CNPY1: variants seen among roughly 807,000 people sequenced by gnomAD.
CNPY1 encodes canopy FGF signaling regulator 1.
A neutral mutation model predicts 14.4 loss-of-function variants in CNPY1; 14 were observed. The ratio of observed to expected loss-of-function variants is 0.97; its 90% CI spans 0.64 to 1.52. CNPY1 has a LOEUF of 1.52. Among genes scored for constraint, CNPY1 ranks in the 40% most tolerant of loss-of-function variants. CNPY1 has a pLI of 0.00. For synonymous variants in CNPY1, 43 were observed against 46.5 expected (o/e 0.92, Z 0.31); for missense variants, 129 against 131.5 (o/e 0.98, Z 0.09).
intron 4 of CNPY1, among the ~76,000 whole-genome samples, chr7:155,504,864 T>C (rs1414119562): frequency 6.6e-6 from 1 of 152,200 alleles, no homozygotes; most frequent in Non-Finnish European, 1.5e-5. Context: ...TGGCTGTCCT[T>C]GTATGTTAGA....
At chr7:155,541,829 A>G (rs894423988) in intron 2 of CNPY1, among the ~76,000 whole-genome samples, 12 of 152,100 alleles carry the variant, frequency 7.9e-5, no homozygotes, top group African/African-American at 2.9e-4. Context: ...CCATCACTCA[A>G]AGGTGGGTAA....
At chr7:155,525,242 G>T (rs182400898) in intron 2 of CNPY1, among the ~76,000 whole-genome samples, 1 of 152,216 alleles carries the variant, frequency 6.6e-6, no homozygotes, top group Non-Finnish European at 1.5e-5. Flanking sequence ...GTGCAGTGGT[G>T]CAATCTCGGC....
At chr7:155,532,076 A>C (rs1290272356) in intron 2 of CNPY1, among the ~76,000 whole-genome samples, 1 of 152,266 alleles carries the variant, frequency 6.6e-6, no homozygotes, top group Non-Finnish European at 1.5e-5. Context: ...CTAATACATA[A>C]GATTTTGCAG....
intron 2 of CNPY1, among the ~76,000 whole-genome samples, chr7:155,513,892 G>A (rs73732793): frequency 1.5e-3 from 233 of 152,292 alleles, no homozygotes; most frequent in African/African-American, 5.3e-3. Context: ...CTGCCAGTTT[G>A]AAAAATAAAC....
intron 2 of CNPY1, among the ~76,000 whole-genome samples, chr7:155,527,030 T>TTCTTCTTTCTTTCTTTCTTTCTTTC (rs1554449561): frequency 2.4e-5 from 2 of 83,272 alleles, no homozygotes; most frequent in East Asian, 7.5e-4. Context: ...TTCTTTTCTT[T>TTCTTCTTTCTTTCTTTCTTTCTTTC]TTTCTTTCTT....
chr7:155,520,947 C>G (rs1354598252), intron 2 of CNPY1, among the ~76,000 whole-genome samples: 1 of 151,436 alleles, frequency 6.6e-6, no homozygotes, highest in African/African-American at 2.4e-5. Flanking sequence ...GCCAAGATGG[C>G]AAAATCCCAT....
chr7:155,513,039 A>G (rs1473111622), intron 2 of CNPY1, among the ~76,000 whole-genome samples: 2 of 152,264 alleles, frequency 1.3e-5, no homozygotes, highest in African/African-American at 4.8e-5. Flanking sequence ...GCTCTAGGCT[A>G]CAACAGGGGA....
At chr7:155,523,280 C>T (rs1240684336) in intron 2 of CNPY1, among the ~76,000 whole-genome samples, 3 of 152,190 alleles carry the variant, frequency 2.0e-5, no homozygotes, top group Admixed American at 2.0e-4. Flanking sequence ...TGAGAACAGT[C>T]TCATGTACCG....
At chr7:155,527,434 CTTT>C (rs11364914) in intron 2 of CNPY1, among the ~76,000 whole-genome samples, 23 of 56,888 alleles carry the variant, frequency 4.0e-4, no homozygotes, top group African/African-American at 1.2e-3. Flanking sequence ...TAATTAATTT[CTTT>C]TTTTTTTTTT....
At chr7:155,539,301 ACTT>A (rs1165765469) in intron 2 of CNPY1, among the ~76,000 whole-genome samples, 21 of 152,210 alleles carry the variant, frequency 1.4e-4, no homozygotes, top group Non-Finnish European at 3.1e-4. Context: ...GACATGACCC[ACTT>A]CTTACACCAA....
At chr7:155,525,243 C>T (rs1796799093) in intron 2 of CNPY1, among the ~76,000 whole-genome samples, 1 of 152,086 alleles carries the variant, frequency 6.6e-6, no homozygotes, top group Non-Finnish European at 1.5e-5. Context: ...TGCAGTGGTG[C>T]AATCTCGGCT....
rs1387479925 is a variant in CNPY1 at position 155,536,600 on chromosome 7, G to A, written c.99+9231C>T. Among the ~76,000 whole-genome samples the A allele has an allele frequency of 6.6e-6, 1 of 152,162 alleles. No homozygotes were observed. Among genetic ancestry groups the A allele is most frequent in the Non-Finnish European group, 1.5e-5 (1 of 68,026 alleles). On this transcript the variant is annotated intron_variant, in intron 2 of 4. Transcript: ENST00000636446. This position sits in a 1 kb window ranked among gnomAD's most constrained non-coding sequence, Gnocchi z 4.1. ...GCAGAAGCAAGGCCCCTCCCTGTTAGCCCTGCCTGTAAACATTTCCCACAG... is the reference window on the plus strand; with the variant it reads ...GCAGAAGCAAGGCCCCTCCCTGTTAACCCTGCCTGTAAACATTTCCCACAG...
At chr7:155,534,289 ACACACT>A (rs1185379446) in intron 2 of CNPY1, among the ~76,000 whole-genome samples, 1 of 152,140 alleles carries the variant, frequency 6.6e-6, no homozygotes, top group African/African-American at 2.4e-5. Flanking sequence ...GCTCACACAC[ACACACT>A]CACACGTGCA....
chr7:155,533,545 G>C (rs1032344433), intron 2 of CNPY1, among the ~76,000 whole-genome samples: 1 of 152,212 alleles, frequency 6.6e-6, no homozygotes. Flanking sequence ...CCCAGCGCGC[G>C]GGAAGCCCCG....
chr7:155,519,566 A>T (rs187079151), intron 2 of CNPY1, among the ~76,000 whole-genome samples: 4,280 of 132,520 alleles, frequency 0.032, 104 homozygotes, highest in African/African-American at 0.11. Context: ...AATAAATAAG[A>T]AAGAAAGAAG....
chr7:155,519,820 A>G (rs1349117928), intron 2 of CNPY1, among the ~76,000 whole-genome samples: 2 of 152,110 alleles, frequency 1.3e-5, no homozygotes, highest in Non-Finnish European at 2.9e-5. Context: ...CTCATTCTCT[A>G]TCCTCCACCC....
intron 2 of CNPY1, among the ~76,000 whole-genome samples, chr7:155,510,702 G>A (rs1796510552): frequency 6.6e-6 from 1 of 152,198 alleles, no homozygotes; most frequent in African/African-American, 2.4e-5. Context: ...GGCTCAAAGT[G>A]CACATTTCAA....
At chr7:155,509,794 G>A (rs1216818027) in intron 2 of CNPY1, among the ~76,000 whole-genome samples, 1 of 152,150 alleles carries the variant, frequency 6.6e-6, no homozygotes, top group African/African-American at 2.4e-5. Flanking sequence ...GTCCCCGCGC[G>A]CCCCTCTCCC....
chr7:155,502,812 G>T lies in CNPY1; in HGVS notation c.*256C>A. ...TCAATACAGAATTAAATCCTCTATT[G>T]TCAAGCTTGATTTATCAAAATCTGC... On this transcript the variant is annotated 3_prime_UTR_variant, in exon 5 of 5. Transcript: ENST00000636446. 2.0e-6 allele frequency: 1 copy of T among 487,988 alleles called. No individual in the cohort carries two copies. The highest frequency in any genetic ancestry group is 3.8e-5 in the South Asian group (1 of 26,424). 30.2% of individuals were successfully genotyped at this position (487,988 alleles called of 1,614,324 possible).
Sources: gnomAD v4.1 joint callset for allele counts (sites outside exome capture counted in the v4.1 genomes callset) on GRCh38, gnomAD v4.1.1 for gene constraint, Gnocchi (gnomAD v3.1) non-coding constraint, MANE v1.5 for transcripts, NCBI Gene and HGNC (gene_info 2026-07-23, HGNC 2026-07-21) for gene names.